ZNF383: variants seen among roughly 807,000 people sequenced by gnomAD.
ZNF383 encodes zinc finger protein 383.
A neutral mutation model predicts 44.2 loss-of-function variants in ZNF383; 32 were observed. That is an observed-to-expected ratio of 0.72 (90% CI 0.55 to 0.97). The LOEUF (loss-of-function observed/expected upper bound fraction) is 0.97, where lower values mean the gene tolerates loss of function less well. Among genes scored for constraint, ZNF383 ranks in the 50% least tolerant of loss-of-function variants. The probability of loss-of-function intolerance (pLI) is 0.00; values close to 1 mark genes in which losing one functional copy is unlikely to be tolerated. For missense variants in ZNF383, 487 were observed against 562.5 expected, an observed-to-expected ratio of 0.87 and a Z score of 1.36; for synonymous variants, 155 against 186.2, an observed-to-expected ratio of 0.83 and a Z score of 1.36.
intron 1 of ZNF383, among the ~76,000 whole-genome samples, chr19:37,223,394 A>G (rs1490207552): frequency 6.6e-6 from 1 of 152,220 alleles, no homozygotes; most frequent in Non-Finnish European, 1.5e-5. Context: ...GTCAATAACA[A>G]GAAGATAATT....
intron 3 of ZNF383, among the ~76,000 whole-genome samples, chr19:37,234,683 C>T (rs1360939122): frequency 6.6e-6 from 1 of 152,206 alleles, no homozygotes; most frequent in Non-Finnish European, 1.5e-5. Context: ...AGCCACCACG[C>T]CCAGCCAACT....
rs191556458 is a variant in ZNF383, at chr19:37,243,832, C to T, written c.*168C>T. The T allele has an allele frequency of 3.9e-6, 2 of 515,800 alleles. No individual in the cohort carries two copies. Among genetic ancestry groups the T allele is most frequent in the East Asian group, 5.9e-5 (2 of 33,850 alleles). The allele number at this position is 515,800 out of a possible 1,614,324, so 32.0% of individuals were successfully genotyped here. A position where few individuals can be genotyped will look rare whatever the true frequency, so the allele number is the denominator to read the frequency against. On this transcript the variant is annotated 3_prime_UTR_variant, in exon 6 of 6. Transcript: ENST00000684119. ...GTCTAAAGTGACATTCCCTCTCTCC[C>T]CCAGTCATATACCGATGCCAGCTGT...
At chr19:37,225,097 T>G (rs1264350077) in intron 2 of ZNF383, 158 bp downstream of exon 2, 1 of 148,460 alleles carries the variant, frequency 6.7e-6, no homozygotes, top group South Asian at 2.2e-4. Context: ...CCTGGCCATC[T>G]TAATAATTTT....
intron 2 of ZNF383, among the ~76,000 whole-genome samples, chr19:37,227,374 A>G (rs891381899): frequency 6.6e-6 from 1 of 152,240 alleles, no homozygotes; most frequent in African/African-American, 2.4e-5. Context: ...TCGGCCTCCC[A>G]AAGTGCTGGG....
intron 3 of ZNF383, among the ~76,000 whole-genome samples, chr19:37,234,164 C>T (rs1254588004): frequency 1.3e-5 from 2 of 151,692 alleles, no homozygotes; most frequent in Non-Finnish European, 2.9e-5. Flanking sequence ...ACGCACGGCC[C>T]ACATCTATTT....
chr19:37,234,681 C>T (rs1299630758), intron 3 of ZNF383, among the ~76,000 whole-genome samples: 8 of 152,278 alleles, frequency 5.3e-5, no homozygotes, highest in Admixed American at 2.6e-4. Context: ...TGAGCCACCA[C>T]GCCCAGCCAA....
chr19:37,229,939 A>C (rs1205423824), intron 2 of ZNF383, among the ~76,000 whole-genome samples: 1 of 151,516 alleles, frequency 6.6e-6, no homozygotes, highest in East Asian at 1.9e-4. Flanking sequence ...AAACAAAAAG[A>C]CTTGATTAGG....
chr19:37,237,602 G>T (rs750881676), intron 5 of ZNF383, among the ~76,000 whole-genome samples: 1 of 152,150 alleles, frequency 6.6e-6, no homozygotes, highest in Non-Finnish European at 1.5e-5. Context: ...ATTTTGTGCT[G>T]TTACAGCAGA....
At chr19:37,232,588 A>G (rs1204139764) in intron 3 of ZNF383, among the ~76,000 whole-genome samples, 1 of 152,128 alleles carries the variant, frequency 6.6e-6, no homozygotes, top group African/African-American at 2.4e-5. Context: ...TAATTTTTAG[A>G]TTCATTCACT....
Position 37,243,208 on chromosome 19 carries a change from G to C in ZNF383, c.972G>C (p.Lys324Asn). The change falls in exon 6 of 6, where the codon AAG (lysine) becomes AAC (asparagine). Residue 324 changes from lysine to asparagine, a missense_variant. Transcript: ENST00000684119. Reference protein sequence around the residue: ...ECGKAFTQSSKLVQHQRIHTG... With the variant: ...ECGKAFTQSSNLVQHQRIHTG... ...GCAAAGCCTTTACCCAGAGCTCAAA[G>C]CTTGTTCAACATCAGAGAATTCATA... 2 of 1,613,970 alleles carry C rather than the reference G, an allele frequency of 1.2e-6. No homozygotes were observed. Among genetic ancestry groups the C allele is most frequent in the Non-Finnish European group, 1.7e-6 (2 of 1,179,998 alleles).
chr19:37,236,451 G>C (rs550159925), intron 5 of ZNF383, among the ~76,000 whole-genome samples: 2 of 151,272 alleles, frequency 1.3e-5, no homozygotes, highest in African/African-American at 4.9e-5. Context: ...GCAGTGACAT[G>C]ATCATAACTT....
At position 37,219,108 on chromosome 19, in the gene ZNF383, G is replaced by A. The variant is rs1002955866; in HGVS notation, c.-168+834G>A. Among the ~76,000 whole-genome samples the A allele has an allele frequency of 7.2e-5, 11 of 152,088 alleles. 1 individual carries two copies. The South Asian group carries it at 1.2e-3, about 17-fold the overall frequency. On this transcript the variant is annotated intron_variant, in intron 1 of 5. Coordinates refer to ENST00000684119, the MANE Select transcript of ZNF383 (RefSeq NM_001387601.1). ...GAGGTCTATGTGGGTCCCCATGGTG[G>A]CTGGGTGACTGCAGCATTGGGTAGG...
intron 5 of ZNF383, among the ~76,000 whole-genome samples, chr19:37,237,955 C>T (rs529758046): frequency 6.6e-5 from 10 of 151,940 alleles, no homozygotes; most frequent in African/African-American, 1.4e-4. Flanking sequence ...CTCAACCTCC[C>T]GGGCTCAGGT....
rs2145558937 is a variant in ZNF383, at chr19:37,247,430, T to C, written c.*3766T>C. On this transcript the variant is annotated 3_prime_UTR_variant, in exon 6 of 6. Transcript: ENST00000684119. ...TGTGTCATTTGGGGTAATGAAAATGTGGCATGGGTAAAGGTTGTACAATTT... is the reference window on the plus strand; with the variant it reads ...TGTGTCATTTGGGGTAATGAAAATGCGGCATGGGTAAAGGTTGTACAATTT... The C allele has an allele frequency of 1.3e-5, 2 of 152,344 alleles. No homozygotes were observed. Among genetic ancestry groups the C allele is most frequent in the South Asian group, 4.1e-4 (2 of 4,826 alleles). The allele number at this position is 152,344 out of a possible 1,614,324, so 9.4% of individuals were successfully genotyped here. A position where few individuals can be genotyped will look rare whatever the true frequency, so the allele number is the denominator to read the frequency against.
rs146473497 is a variant in ZNF383, at chr19:37,221,813, G to A, written c.-167-3005G>A. Among the ~76,000 whole-genome samples the A allele has an allele frequency of 6.9e-3, 1,048 of 151,138 alleles. 18 individuals are homozygous for A. Among genetic ancestry groups the A allele is most frequent in the African/African-American group, 0.024 (984 of 41,224 alleles). ...AAAAAAAAAATACAAAAAATTAGCC[G>A]GGCATGGTGGCGGCCGCCTATAGTC... On this transcript the variant is annotated intron_variant, in intron 1 of 5. Coordinates refer to ENST00000684119, the MANE Select transcript of ZNF383 (RefSeq NM_001387601.1).
chr19:37,232,733 A>G (rs1273790260), intron 3 of ZNF383, among the ~76,000 whole-genome samples: 1 of 152,222 alleles, frequency 6.6e-6, no homozygotes, highest in Non-Finnish European at 1.5e-5. Flanking sequence ...GGAAAGAAGA[A>G]TGTTTGATTC....
At chr19:37,222,716 T>C (rs951338602) in intron 1 of ZNF383, among the ~76,000 whole-genome samples, 3 of 152,192 alleles carry the variant, frequency 2.0e-5, no homozygotes, top group Admixed American at 2.0e-4. Context: ...CATTACTGAT[T>C]GGCATTTGAT....
intron 2 of ZNF383, among the ~76,000 whole-genome samples, chr19:37,229,212 T>G (rs1437137101): frequency 6.8e-6 from 1 of 146,906 alleles, no homozygotes; most frequent in African/African-American, 2.6e-5. Context: ...TGGAGTGCAA[T>G]GGCGTGATCT....
At chr19:37,228,139 C>T (rs1263934585) in intron 2 of ZNF383, among the ~76,000 whole-genome samples, 2 of 152,234 alleles carry the variant, frequency 1.3e-5, no homozygotes, top group Non-Finnish European at 2.9e-5. Flanking sequence ...TTCCCAGTTA[C>T]TGGCGCTACC....
Sources: gnomAD v4.1 joint callset for allele counts (sites outside exome capture counted in the v4.1 genomes callset) on GRCh38, gnomAD v4.1.1 for gene constraint, MANE v1.5 for transcripts, NCBI Gene and HGNC (gene_info 2026-07-23, HGNC 2026-07-21) for gene names.